Variants in UMAD1 observed in about 807,000 individuals in gnomAD.
The protein encoded by UMAD1 is UBAP1-MVB12-associated (UMA) domain containing 1.
UMAD1 carries 8 observed loss-of-function variants against 6.1 expected under a neutral mutation model. That is an observed-to-expected ratio of 1.30 (90% CI 0.76 to 2.35). UMAD1 has a LOEUF of 2.35. Among genes scored for constraint, UMAD1 ranks in the 30% most tolerant of loss-of-function variants. The pLI is 0.00. For synonymous variants in UMAD1, 56 were observed against 31.4 expected (o/e 1.78, Z -2.61); for missense variants, 130 against 78.4 (o/e 1.66, Z -2.49).
intron 1 of UMAD1, among the ~76,000 whole-genome samples, chr7:7,662,419 G>A (rs1248939969): frequency 2.6e-5 from 4 of 152,168 alleles, no homozygotes; most frequent in Non-Finnish European, 5.9e-5. Context: ...CCAGTTTTGT[G>A]CTTAAAACCC....
chr7:7,681,566 T>C (rs1779913171), intron 2 of UMAD1, among the ~76,000 whole-genome samples: 1 of 152,208 alleles, frequency 6.6e-6, no homozygotes, highest in Non-Finnish European at 1.5e-5. Context: ...AACCAGTTCC[T>C]ATTCACGTAA....
At chr7:7,646,928 C>T (rs1785110039) in intron 1 of UMAD1, among the ~76,000 whole-genome samples, 1 of 152,164 alleles carries the variant, frequency 6.6e-6, no homozygotes, top group Non-Finnish European at 1.5e-5. Flanking sequence ...GCAAAAACAG[C>T]CTGTTCACAT....
At chr7:7,842,185 G>A (rs779151481) in intron 3 of UMAD1, among the ~76,000 whole-genome samples, 11 of 151,968 alleles carry the variant, frequency 7.2e-5, no homozygotes, top group South Asian at 2.1e-4. Context: ...TTATTATTAC[G>A]TGACACTGAG....
intron 2 of UMAD1, among the ~76,000 whole-genome samples, chr7:7,784,948 G>C (rs1458283535): frequency 6.6e-6 from 1 of 151,956 alleles, no homozygotes; most frequent in South Asian, 2.1e-4. Context: ...ATTTTTAGTA[G>C]AGACGGGGTT....
chr7:7,790,502 A>C (rs779005095), intron 2 of UMAD1, among the ~76,000 whole-genome samples: 3 of 152,212 alleles, frequency 2.0e-5, no homozygotes, highest in African/African-American at 4.8e-5. Context: ...ATTCAGGCCC[A>C]TTCAGGCCCT....
intron 1 of UMAD1, among the ~76,000 whole-genome samples, chr7:7,660,284 G>T (rs1270253743): frequency 6.6e-6 from 1 of 152,134 alleles, no homozygotes; most frequent in Non-Finnish European, 1.5e-5. Flanking sequence ...TTAATTGGGG[G>T]CATTTAGCCC....
At chr7:7,739,406 C>T (rs1351911813) in intron 2 of UMAD1, among the ~76,000 whole-genome samples, 1 of 152,168 alleles carries the variant, frequency 6.6e-6, no homozygotes, top group Non-Finnish European at 1.5e-5. Flanking sequence ...TTTCATGGTA[C>T]TCTCAACAAA....
intron 3 of UMAD1, among the ~76,000 whole-genome samples, chr7:7,828,507 A>C (rs994789083): frequency 9.8e-5 from 15 of 152,330 alleles, no homozygotes; most frequent in Non-Finnish European, 1.9e-4. Flanking sequence ...GCTTCTTCTC[A>C]GAGCCCCTGG....
chr7:7,812,315 A>T (rs1441906386), intron 3 of UMAD1, among the ~76,000 whole-genome samples: 1 of 152,222 alleles, frequency 6.6e-6, no homozygotes, highest in African/African-American at 2.4e-5. Flanking sequence ...TCTGTTGCTC[A>T]GCACCAATTA....
At chr7:7,735,653 AC>A (rs554009854) in intron 2 of UMAD1, 45 of 152,280 alleles carry the variant, frequency 3.0e-4, no homozygotes, top group African/African-American at 1.1e-3. Context: ...CAGGTGATCC[AC>A]CCACCTTGGC....
In UMAD1 at chr7:7,672,941, G is replaced by C. The variant is rs28915984; in HGVS notation, c.-63-368G>C. 3.3e-3 allele frequency among the ~76,000 whole-genome samples: 502 copies of C among 152,218 alleles called. 4 individuals are homozygous for C. Among genetic ancestry groups the C allele is most frequent in the Admixed American group, 0.022 (339 of 15,280 alleles). The stretch of plus-strand genomic sequence containing the variant: ...CACAACATGACAAGAAACCTGGACA[G>C]GTCTGTTTATTTTATTTTTTCCTAT... On this transcript the variant is annotated intron_variant, in intron 1 of 3. Coordinates refer to ENST00000682710, the MANE Select transcript of UMAD1 (RefSeq NM_001302348.2).
chr7:7,783,995 T>C (rs1274782795), intron 2 of UMAD1, among the ~76,000 whole-genome samples: 2 of 152,058 alleles, frequency 1.3e-5, no homozygotes, highest in Admixed American at 6.5e-5. Flanking sequence ...ATGGATCCAG[T>C]TTGCCTATGG....
chr7:7,724,711 C>T (rs559314173), intron 2 of UMAD1, among the ~76,000 whole-genome samples: 1 of 152,336 alleles, frequency 6.6e-6, no homozygotes, highest in African/African-American at 2.4e-5. Context: ...ATTGCAGCTG[C>T]TATACCAGAT....
At chr7:7,776,715 A>T (rs1202067557) in intron 2 of UMAD1, among the ~76,000 whole-genome samples, 5 of 152,244 alleles carry the variant, frequency 3.3e-5, no homozygotes, top group Non-Finnish European at 7.3e-5. Context: ...TTACAATTTA[A>T]CATTGTATTG....
intron 2 of UMAD1, among the ~76,000 whole-genome samples, chr7:7,730,797 C>T (rs1223927349): frequency 6.6e-6 from 1 of 152,042 alleles, no homozygotes. Flanking sequence ...ATTTTCAAAG[C>T]AAATAATATT....
At chr7:7,755,346 G>A (rs73344506) in intron 2 of UMAD1, among the ~76,000 whole-genome samples, 2,737 of 152,214 alleles carry the variant, frequency 0.018, 80 homozygotes, top group African/African-American at 0.063. Flanking sequence ...CTTGTTAACT[G>A]TAGTAAAAAA....
intron 2 of UMAD1, among the ~76,000 whole-genome samples, chr7:7,783,067 A>G (rs538966132): frequency 3.3e-5 from 5 of 152,248 alleles, no homozygotes; most frequent in African/African-American, 1.2e-4. Context: ...CTACATACTC[A>G]CTGGCAAAGT....
At chr7:7,742,209 T>A (rs773611003) in intron 2 of UMAD1, 22 of 682,284 alleles carry the variant, frequency 3.2e-5, no homozygotes, top group Admixed American at 2.3e-4. Context: ...TCACAGAGCT[T>A]CTTCACAGCC....
At chr7:7,650,230 T>C (rs1299755597) in intron 1 of UMAD1, among the ~76,000 whole-genome samples, 1 of 152,256 alleles carries the variant, frequency 6.6e-6, no homozygotes, top group Non-Finnish European at 1.5e-5. Flanking sequence ...GCCTAGACAT[T>C]ATTATTGCTT....
Sources: allele counts gnomAD v4.1 joint callset (sites outside exome capture counted in the v4.1 genomes callset), GRCh38; gene constraint gnomAD v4.1.1; transcripts MANE v1.5; gene names NCBI Gene and HGNC (gene_info 2026-07-23, HGNC 2026-07-21).